Variants in ELP5 observed in about 807,000 individuals in gnomAD.
ELP5 encodes the protein elongator complex protein 5.
In ELP5, 34 loss-of-function variants were observed where a neutral mutation model predicts 33.4. The ratio of observed to expected loss-of-function variants is 1.02; its 90% CI spans 0.78 to 1.36. The LOEUF (loss-of-function observed/expected upper bound fraction) is 1.36. Ranked by LOEUF, ELP5 falls within the 40% of genes most tolerant of loss-of-function variation. The probability of loss-of-function intolerance (pLI) is 0.00; values close to 1 mark genes in which losing one functional copy is unlikely to be tolerated. For missense variants in ELP5, 373 were observed against 371.7 expected (o/e 1.00, Z -0.03); for synonymous variants, 161 against 146.4 (o/e 1.10, Z -0.72).
chr17:7,252,958 G>A lies in ELP5; in HGVS notation c.148G>A (p.Glu50Lys). 1 of 1,614,212 alleles carries A rather than the reference G, an allele frequency of 6.2e-7. No homozygotes were observed. The part of the protein sequence containing the change: ...VHILGCEVSE[E>K]EFREGFDSDI... ...TATCCTGGGCTGTGAAGTGAGCGAG[G>A]AAGAGTTTCGTGAAGGTTTTGACTC... The change falls in exon 3 of 8, where the codon GAA becomes AAA. Residue 50 changes from glutamate (E) to lysine (K), a missense_variant. By Grantham distance (56) the Glu-to-Lys change is moderately conservative. Coordinates refer to ENST00000396628, the MANE Select transcript of ELP5 (RefSeq NM_203414.3).
intron 4 of ELP5, among the ~76,000 whole-genome samples, chr17:7,255,496 C>T (rs1431497063): frequency 6.6e-6 from 1 of 150,590 alleles, no homozygotes; most frequent in African/African-American, 2.5e-5. Flanking sequence ...CACTGCACTC[C>T]AGCCTGGGCG....
chr17:7,252,159 G>C (rs570049045), upstream of ELP5: 113 of 368,446 alleles, frequency 3.1e-4, 1 homozygote, highest in South Asian at 2.5e-3. Flanking sequence ...CCGCGGGGCG[G>C]GGCCTGAGGC....
intron 5 of ELP5, among the ~76,000 whole-genome samples, chr17:7,257,922 G>A (rs961327830): frequency 6.6e-6 from 1 of 152,060 alleles, no homozygotes; most frequent in Non-Finnish European, 1.5e-5. Flanking sequence ...ACAAAAATTA[G>A]CTGGGCATAG....
chr17:7,256,369 A>G (rs1439618568), intron 4 of ELP5, among the ~76,000 whole-genome samples: 4 of 152,216 alleles, frequency 2.6e-5, no homozygotes, highest in Non-Finnish European at 4.4e-5. Context: ...AAAAATTGTT[A>G]AATGTCAGTG....
Position 7,259,872 on chromosome 17 carries a change from T to C in ELP5, c.*187T>C, listed in dbSNP as rs1379726905. On this transcript the variant is annotated 3_prime_UTR_variant, in exon 8 of 8. Transcript: ENST00000396628. ...CAGGACAGAAGGTAGGATGAAGACA[T>C]GGGGTAATGTGAGAGAGTAGAACAC... is the stretch of plus-strand genomic sequence containing the variant. 1.0e-6 allele frequency: 1 copy of C among 988,498 alleles called. No homozygotes were observed. Among genetic ancestry groups the C allele is most frequent in the African/African-American group, 1.6e-5 (1 of 61,096 alleles). The allele number at this position is 988,498 out of a possible 1,614,324, so 61.2% of individuals were successfully genotyped here.
rs772079374 is a variant in ELP5 at position 7,259,766 on chromosome 17, T to C, written c.*81T>C. ...AGAACCATCTTTCTATTGTTTGTGT[T>C]AGCCTTACCCTGTCCCTGCCCCACC... On this transcript the variant is annotated 3_prime_UTR_variant, in exon 8 of 8. Coordinates refer to ENST00000396628, the MANE Select transcript of ELP5 (RefSeq NM_203414.3). 4.1e-4 allele frequency: 645 copies of C among 1,572,856 alleles called. No individual in the cohort carries two copies. Among genetic ancestry groups the C allele is most frequent in the South Asian group, 1.7e-3 (146 of 86,778 alleles).
intron 7 of ELP5, 81 bp from the exon 8 acceptor site, chr17:7,259,490 G>C: frequency 2.5e-6 from 4 of 1,586,958 alleles, no homozygotes; most frequent in Non-Finnish European, 3.4e-6. Context: ...TTGCCTGAAT[G>C]AGAGTCACAG....
intron 4 of ELP5, 79 bp from the exon 5 acceptor site, chr17:7,256,778 C>A: frequency 7.0e-7 from 1 of 1,433,422 alleles, no homozygotes. Context: ...AATTGTGAGG[C>A]TCTCTCTTCT....
intron 3 of ELP5, among the ~76,000 whole-genome samples, chr17:7,253,995 CAAA>C (rs569972376): frequency 7.4e-5 from 6 of 80,964 alleles, no homozygotes; most frequent in Admixed American, 1.3e-4. Flanking sequence ...AACTCTGTCT[CAAA>C]AAAAAAAAAA....
At chr17:7,253,541 C>T (rs1244131541) in intron 3 of ELP5, among the ~76,000 whole-genome samples, 1 of 152,146 alleles carries the variant, frequency 6.6e-6, no homozygotes, top group Non-Finnish European at 1.5e-5. Context: ...CTAAACCCAG[C>T]GGCATGCCTG....
Position 7,259,917 on chromosome 17 carries a change from C to CT in ELP5, c.*235dup, listed in dbSNP as rs1472757533. 1.0e-5 allele frequency: 5 copies of CT among 497,818 alleles called. No homozygotes were observed. The highest frequency in any genetic ancestry group is 4.0e-5 in the African/African-American group (2 of 50,570). The allele number at this position is 497,818 out of a possible 1,614,324, so 30.8% of individuals were successfully genotyped here. On this transcript the variant is annotated 3_prime_UTR_variant, in exon 8 of 8. Coordinates refer to ENST00000396628, the MANE Select transcript of ELP5 (RefSeq NM_203414.3). ...GAACACCCCCGTACCTAATAAAAAT[C>CT]TTTATTTTTTTATTAAAAAAGAAGT...
chr17:7,253,142 A>G, intron 3 of ELP5, 144 bp downstream of exon 3: 1 of 750,000 alleles, frequency 1.3e-6, no homozygotes, highest in Non-Finnish European at 2.3e-6. Context: ...TTCAGGAGGC[A>G]AGAATTAATA....
Position 7,254,686 on chromosome 17 carries a change from A to G in ELP5, c.292A>G (p.Thr98Ala), listed in dbSNP as rs370711146. The G allele has an allele frequency of 5.5e-5, 89 of 1,614,116 alleles. 1 individual carries two copies. Among genetic ancestry groups the G allele is most frequent in the South Asian group, 2.1e-4 (19 of 91,078 alleles). ...AGCCTTGAGAGCCATGTGCAAGAGG[A>G]CAGATCCTGTTCCTGTCACCATTGC... ...LGALRAMCKR[T>A]DPVPVTIALD... Residue 98 changes from threonine to alanine, a missense_variant, in exon 4 of 8, where the codon ACA becomes GCA. By Grantham distance (58) the Thr-to-Ala change is moderately conservative. Coordinates refer to ENST00000396628, the MANE Select transcript of ELP5 (RefSeq NM_203414.3).
rs1167706659 is a variant in ELP5 at position 7,254,749 on chromosome 17, T to G, written c.355T>G (p.Cys119Gly). ...CAGCTGGCTGCTACTTCGCCTTCCCTGCACCACACTCTGCCAGGTCCTGCA... is the reference window on the plus strand; with the variant it reads ...CAGCTGGCTGCTACTTCGCCTTCCCGGCACCACACTCTGCCAGGTCCTGCA... ...SLSWLLLRLP[C>G]TTLCQVLHAV... The change falls in exon 4 of 8, where the codon TGC becomes GGC. Residue 119 changes from cysteine to glycine, a missense_variant. Cys to Gly is a radical substitution (Grantham distance 159). Transcript: ENST00000396628. 1 of 1,614,166 alleles carries G rather than the reference T, an allele frequency of 6.2e-7. No individual in the cohort carries two copies.
Position 7,252,314 on chromosome 17 carries a change from A to G in ELP5, c.-237A>G. ...TGCTCTTCCCGCCCCGGTCACAGTG[A>G]AAATGTAGACGGGGTCGTTGTCCGT... On this transcript the variant is annotated 5_prime_UTR_variant, in exon 1 of 8. Coordinates refer to ENST00000396628, the MANE Select transcript of ELP5 (RefSeq NM_203414.3). 1.6e-6 allele frequency: 1 copy of G among 612,492 alleles called. No homozygotes were observed. The allele number at this position is 612,492 out of a possible 1,614,324, so 37.9% of individuals were successfully genotyped here. A position where few individuals can be genotyped will look rare whatever the true frequency, so the allele number is the denominator to read the frequency against.
At chr17:7,259,242 A>C in intron 7 of ELP5, 1 of 1,371,380 alleles carries the variant, frequency 7.3e-7, no homozygotes, top group Non-Finnish European at 9.4e-7. Context: ...AGAAGGCTAT[A>C]TGGGCGTGGC....
At chr17:7,254,285 G>A (rs567919987) in intron 3 of ELP5, among the ~76,000 whole-genome samples, 126 of 152,314 alleles carry the variant, frequency 8.3e-4, no homozygotes, top group African/African-American at 2.6e-3. Context: ...TATGTGTCAA[G>A]CACTGTGCTG....
intron 3 of ELP5, among the ~76,000 whole-genome samples, chr17:7,254,365 C>T (rs1215811543): frequency 6.6e-6 from 1 of 152,196 alleles, no homozygotes; most frequent in African/African-American, 2.4e-5. Context: ...AGTTAGCTGA[C>T]CTTGGGCAAG....
chr17:7,254,636 A>C lies in ELP5; in HGVS notation c.242A>C (p.Glu81Ala), dbSNP rs1421161750. Reference sequence around the variant, plus strand: ...CCTCTCAACTGGTCAAAAACTGAGGAGGCCTTTCCTGGGGGGCCGCTGGGA... The same window carrying C: ...CCTCTCAACTGGTCAAAAACTGAGGCGGCCTTTCCTGGGGGGCCGCTGGGA... ...RDPLNWSKTE[E>A]AFPGGPLGAL... The change falls in exon 4 of 8, where the codon GAG (glutamate) becomes GCG (alanine). Residue 81 changes from glutamate to alanine, a missense_variant. Physicochemically the swap from Glu to Ala is moderately radical, Grantham distance 107. Transcript: ENST00000396628. The C allele has an allele frequency of 1.2e-6, 2 of 1,614,010 alleles. No individual in the cohort carries two copies. The highest frequency in any genetic ancestry group is 1.3e-5 in the African/African-American group (1 of 74,924).
Sources: allele counts gnomAD v4.1 joint callset (sites outside exome capture counted in the v4.1 genomes callset), GRCh38; gene constraint gnomAD v4.1.1; transcripts MANE v1.5; gene names NCBI Gene and HGNC (gene_info 2026-07-23, HGNC 2026-07-21).